Variants in MTIF2 observed in about 807,000 individuals in gnomAD.
MTIF2 encodes mitochondrial translational initiation factor 2, also known as translation initiation factor IF-2, mitochondrial.
Under a neutral mutation model 83.5 loss-of-function variants are expected in MTIF2, and 71 were observed. The observed-to-expected ratio is 0.85, with a 90% CI of 0.70 to 1.04. The LOEUF (loss-of-function observed/expected upper bound fraction) is 1.04. Ranked by LOEUF, MTIF2 falls within the 50% of genes least tolerant of loss-of-function variation. The probability of loss-of-function intolerance (pLI) is 0.00; values close to 1 mark genes in which losing one functional copy is unlikely to be tolerated. For synonymous variants in MTIF2, 319 were observed against 287.1 expected (o/e 1.11, Z -1.12); for missense variants, 957 against 846.5 (o/e 1.13, Z -1.62).
intron 13 of MTIF2, among the ~76,000 whole-genome samples, chr2:55,241,702 G>A (rs529901692): frequency 3.9e-5 from 6 of 152,016 alleles, no homozygotes; most frequent in Non-Finnish European, 8.8e-5. Flanking sequence ...AATTAGCCAG[G>A]TGTGGTCGTG....
At chr2:55,263,564 C>G in intron 4 of MTIF2, 76 bp downstream of exon 4, 2 of 1,144,356 alleles carry the variant, frequency 1.7e-6, no homozygotes, top group Non-Finnish European at 2.5e-6. Context: ...GAGCTGAGAT[C>G]GCGCCACGGC....
At position 55,249,537 on chromosome 2, in the gene MTIF2, G is replaced by A. The variant is rs201797724; in HGVS notation, c.842-3C>T. The A allele has an allele frequency of 3.0e-4, 488 of 1,612,440 alleles. No homozygotes were observed. The highest frequency in any genetic ancestry group is 3.9e-4 in the Non-Finnish European group (461 of 1,179,388). On this transcript the variant is annotated splice_region_variant and splice_polypyrimidine_tract_variant and intron_variant, in intron 8 of 15. Coordinates refer to ENST00000263629, the MANE Select transcript of MTIF2 (RefSeq NM_002453.3). ...ATTTACGGCAAGGATAATAGGAACT[G>A]AAAGAAATGGAGTTAAAAAGAGTGA...
rs1007850542 is a variant in MTIF2, at chr2:55,242,796, CTAGCTGGGACTGGACTA to C, written c.1705+127_1705+143del. The C allele has an allele frequency of 2.0e-5, 15 of 750,330 alleles. No individual in the cohort carries two copies. The African/African-American group carries it at 2.7e-4, about 14-fold the overall frequency. 46.5% of individuals were successfully genotyped at this position (750,330 alleles called of 1,614,324 possible). A position where few individuals can be genotyped will look rare whatever the true frequency, so the allele number is the denominator to read the frequency against. On this transcript the variant is annotated intron_variant, in intron 13 of 15. Coordinates refer to ENST00000263629, the MANE Select transcript of MTIF2 (RefSeq NM_002453.3). ...TGCACATCCTATTAAGTTTCAATTG[CTAGCTGGGACTGGACTA>C]TAGCAGGAAGGGTGATGCTGATAGC...
chr2:55,257,202 G>A (rs2589100), intron 5 of MTIF2, among the ~76,000 whole-genome samples: 117,368 of 152,136 alleles, frequency 0.77, 45,417 homozygotes, highest in Non-Finnish European at 0.79. Context: ...GAAGGCAGCC[G>A]GGTGCGGTGG....
chr2:55,264,479 C>T (rs1678281333), intron 3 of MTIF2, among the ~76,000 whole-genome samples: 1 of 152,142 alleles, frequency 6.6e-6, no homozygotes, highest in Non-Finnish European at 1.5e-5. Context: ...TCTAGTGATC[C>T]ACCTTGGCCT....
chr2:55,249,661 G>A (rs1676952605), intron 8 of MTIF2, 127 bp from the exon 9 acceptor site: 6 of 1,129,800 alleles, frequency 5.3e-6, no homozygotes, highest in Admixed American at 2.6e-5. Context: ...TCTAACAAAA[G>A]GCCAAAATGA....
At position 55,240,104 on chromosome 2, in the gene MTIF2, T is replaced by G. The variant is rs199962830; in HGVS notation, c.1777A>C (p.Ile593Leu). ...QQSAAKKGVK[I>L]KLHKIIYRLV... ...CGGTAAATTATTTTGTGAAGTTTAA[T>G]TTTTACTCCTTTTTTTGCAGCTGAC... Residue 593 changes from isoleucine to leucine, a missense_variant, in exon 14 of 16, where the codon ATT becomes CTT. Physicochemically the swap from Ile to Leu is conservative, Grantham distance 5. Around this residue, in one of 3 missense-constraint regions of MTIF2, gnomAD observed 221 missense variants for 180.6 expected, o/e 1.22. Coordinates refer to ENST00000263629, the MANE Select transcript of MTIF2 (RefSeq NM_002453.3). 4.3e-6 allele frequency: 7 copies of G among 1,614,000 alleles called. No individual in the cohort carries two copies. The highest frequency in any genetic ancestry group is 5.9e-6 in the Non-Finnish European group (7 of 1,179,998).
At chr2:55,250,479 C>T (rs187704584) in intron 8 of MTIF2, among the ~76,000 whole-genome samples, 1 of 151,562 alleles carries the variant, frequency 6.6e-6, no homozygotes, top group Non-Finnish European at 1.5e-5. Flanking sequence ...TTTGCCTCTT[C>T]TTTCCAGGGT....
intron 8 of MTIF2, among the ~76,000 whole-genome samples, 185 bp downstream of exon 8, chr2:55,252,292 A>C (rs1160154970): frequency 6.6e-6 from 1 of 152,230 alleles, no homozygotes; most frequent in South Asian, 2.1e-4. Context: ...ACAACTCCCA[A>C]GTTGAATCCT....
chr2:55,256,328 A>AATAT lies in MTIF2; in HGVS notation c.332-1507_332-1504dup, dbSNP rs1553373594. On this transcript the variant is annotated intron_variant, in intron 5 of 15. Coordinates refer to ENST00000263629, the MANE Select transcript of MTIF2 (RefSeq NM_002453.3). ...CACACACACACACACACACACACAC[A>AATAT]ATATATATCTCTGAATACATGTATC... Among the ~76,000 whole-genome samples, 1,235 of 138,764 alleles carry AATAT rather than the reference A, an allele frequency of 8.9e-3. 24 individuals carry two copies. Among genetic ancestry groups the AATAT allele is most frequent in the African/African-American group, 0.031 (1,192 of 39,080 alleles). 91.0% of individuals were successfully genotyped at this position (138,764 alleles called of 152,430 possible). A position where few individuals can be genotyped will look rare whatever the true frequency, so the allele number is the denominator to read the frequency against.
intron 4 of MTIF2, 23 bp from the exon 5 acceptor site, chr2:55,262,450 T>C (rs762661565): frequency 6.6e-7 from 1 of 1,510,672 alleles, no homozygotes; most frequent in Non-Finnish European, 9.1e-7. Context: ...TCAGAACATA[T>C]AAACAAAAAG....
At chr2:55,238,579 C>CG (rs1676069131) in intron 14 of MTIF2, among the ~76,000 whole-genome samples, 1 of 151,944 alleles carries the variant, frequency 6.6e-6, no homozygotes, top group South Asian at 2.1e-4. Flanking sequence ...TTAGTAAAGA[C>CG]GGGGTTTCAC....
chr2:55,265,847 T>A (rs1178869109), intron 3 of MTIF2, among the ~76,000 whole-genome samples: 1 of 152,154 alleles, frequency 6.6e-6, no homozygotes, highest in Non-Finnish European at 1.5e-5. Flanking sequence ...GGATCGAAAA[T>A]TTTTTTAATT....
chr2:55,251,025 G>A lies in MTIF2; in HGVS notation c.841+1452C>T, dbSNP rs573575147. Among the ~76,000 whole-genome samples, 10 of 147,882 alleles carry A rather than the reference G, an allele frequency of 6.8e-5. No homozygotes were observed. The South Asian group carries it at 1.1e-3, about 16-fold the overall frequency. Reference sequence around the variant, plus strand: ...TTCGGGAGGCTGAGGCAGGAGAATCGCTTGAACCTGGGAGAAGGAGGTTGA... The same window carrying A: ...TTCGGGAGGCTGAGGCAGGAGAATCACTTGAACCTGGGAGAAGGAGGTTGA... On this transcript the variant is annotated intron_variant, in intron 8 of 15. Coordinates refer to ENST00000263629, the MANE Select transcript of MTIF2 (RefSeq NM_002453.3).
chr2:55,262,541 CTTTT>C (rs66500251), intron 4 of MTIF2, 114 bp from the exon 5 acceptor site: 299 of 284,378 alleles, frequency 1.1e-3, no homozygotes, highest in East Asian at 2.5e-3. Context: ...CTTTTTTTTT[CTTTT>C]TTTTTTTTTT....
chr2:55,254,837 A>G lies in MTIF2; in HGVS notation c.332-12T>C. 1 of 1,509,090 alleles carries G rather than the reference A, an allele frequency of 6.6e-7. No homozygotes were observed. The highest frequency in any genetic ancestry group is 2.4e-5 in the East Asian group (1 of 41,542). 93.5% of individuals were successfully genotyped at this position (1,509,090 alleles called of 1,614,324 possible). On this transcript the variant is annotated splice_polypyrimidine_tract_variant and intron_variant, in intron 5 of 15. Transcript: ENST00000263629. The stretch of plus-strand genomic sequence containing the variant: ...TTCATATACATAATCTGATTGGAAT[A>G]AAATAAAACCTTTTAGGATCATTAA...
At chr2:55,239,200 T>A (rs1442505568) in intron 14 of MTIF2, among the ~76,000 whole-genome samples, 1 of 152,222 alleles carries the variant, frequency 6.6e-6, no homozygotes, top group East Asian at 1.9e-4. Flanking sequence ...GTGTATTAGA[T>A]AAGAGCATTG....
At chr2:55,242,880 AGCAG>A in intron 13 of MTIF2, 56 bp downstream of exon 13, 3 of 1,525,616 alleles carry the variant, frequency 2.0e-6, no homozygotes, top group Non-Finnish European at 1.8e-6. Context: ...AAAAGACAGA[AGCAG>A]ATGGTTCAGT....
intron 5 of MTIF2, among the ~76,000 whole-genome samples, chr2:55,259,083 C>T (rs944481437): frequency 2.6e-5 from 4 of 152,124 alleles, no homozygotes; most frequent in African/African-American, 7.2e-5. Flanking sequence ...GTAGCTTACA[C>T]AGAGAGATAA....
Sources: allele counts gnomAD v4.1 joint callset (sites outside exome capture counted in the v4.1 genomes callset), GRCh38; gene constraint gnomAD v4.1.1; regional missense constraint gnomAD v4.1.1; transcripts MANE v1.5; gene names NCBI Gene and HGNC (gene_info 2026-07-23, HGNC 2026-07-21).